The following GPR84 variants were observed in gnomAD, a reference collection of about 807,000 sequenced individuals.
GPR84 encodes the protein G protein-coupled receptor 84.
In GPR84, 8 loss-of-function variants were observed where a neutral mutation model predicts 14.9. That is an observed-to-expected ratio of 0.54 (90% CI 0.31 to 0.97). The LOEUF (loss-of-function observed/expected upper bound fraction) is 0.97, where lower values mean the gene tolerates loss of function less well. Among genes scored for constraint, GPR84 ranks in the 50% least tolerant of loss-of-function variants. The pLI, the probability that GPR84 is intolerant of heterozygous loss-of-function variation, is 0.04. For synonymous variants in GPR84, 164 were observed against 198.1 expected, an observed-to-expected ratio of 0.83 and a Z score of 1.45; for missense variants, 424 against 498.7, an observed-to-expected ratio of 0.85 and a Z score of 1.43.
chr12:54,352,769 A>G, the GPR84 span, among the ~76,000 whole-genome samples: 6 of 152,088 alleles, frequency 3.9e-5, no homozygotes, highest in East Asian at 1.9e-4. Flanking sequence ...CTCAACAACT[A>G]TGGGGCACCT....
chr12:54,359,162 A>T (rs909558093), downstream of GPR84, among the ~76,000 whole-genome samples: 1 of 150,308 alleles, frequency 6.7e-6, no homozygotes, highest in African/African-American at 2.5e-5. Context: ...GGGCATCCTC[A>T]CTCCTCACTC....
At chr12:54,357,011 A>C in the GPR84 span, among the ~76,000 whole-genome samples, 4 of 152,184 alleles carry the variant, frequency 2.6e-5, no homozygotes, top group Non-Finnish European at 5.9e-5. Context: ...CCCCCAGTTG[A>C]AGAGGCAGAT....
At chr12:54,356,113 C>G in the GPR84 span, among the ~76,000 whole-genome samples, 1 of 152,178 alleles carries the variant, frequency 6.6e-6, no homozygotes, top group Admixed American at 6.5e-5. Flanking sequence ...AGGCCTAATA[C>G]TGCAACAGAT....
chr12:54,359,728 A>G (rs1489329673), downstream of GPR84, among the ~76,000 whole-genome samples: 5 of 152,178 alleles, frequency 3.3e-5, no homozygotes, highest in Non-Finnish European at 1.5e-5. Context: ...GACCCAGTGC[A>G]TGGCCTCACT....
At position 54,362,460 on chromosome 12, in the gene GPR84, T is replaced by A. The variant is rs1327458359; in HGVS notation, c.*201A>T. The A allele has an allele frequency of 1.9e-6, 1 of 527,772 alleles. No individual in the cohort carries two copies. Among genetic ancestry groups the A allele is most frequent in the Non-Finnish European group, 3.4e-6 (1 of 293,466 alleles). The allele number at this position is 527,772 out of a possible 1,614,324, so 32.7% of individuals were successfully genotyped here. On this transcript the variant is annotated 3_prime_UTR_variant, in exon 2 of 2. Coordinates refer to ENST00000267015, the MANE Select transcript of GPR84 (RefSeq NM_020370.3). This position sits in a 1 kb window ranked among gnomAD's most constrained non-coding sequence, Gnocchi z 4.0. ...CACCTGAGCATTAAAAGCACAGAATTCATTTATTAATAATTAATAATACTC... is the reference window on the plus strand; with the variant it reads ...CACCTGAGCATTAAAAGCACAGAATACATTTATTAATAATTAATAATACTC...
At chr12:54,352,806 G>A in the GPR84 span, among the ~76,000 whole-genome samples, 6 of 152,342 alleles carry the variant, frequency 3.9e-5, no homozygotes, top group Middle Eastern at 3.4e-3. Flanking sequence ...TCAGCAGGTA[G>A]AAAAGAAAAA....
chr12:54,361,244 C>T (rs980691490), downstream of GPR84, among the ~76,000 whole-genome samples: 5 of 151,922 alleles, frequency 3.3e-5, no homozygotes, highest in South Asian at 2.1e-4. The surrounding 1 kb of genome is among the most constrained non-coding windows in gnomAD (Gnocchi z 4.3). Context: ...TGCAGTGGCG[C>T]GATCTCGGTT....
Position 54,362,718 on chromosome 12 carries a change from G to C in GPR84, c.1134C>G (p.Arg378=). 1 of 1,613,936 alleles carries C rather than the reference G, an allele frequency of 6.2e-7. No homozygotes were observed. Residue 378 remains arginine (R), a synonymous_variant, in exon 2 of 2, where the codon CGC becomes CGG. Transcript: ENST00000267015. The surrounding 1 kb of genome is among the most constrained non-coding windows in gnomAD (Gnocchi z 4.0). ...TTTTTAAAATGGAGCCATATGCTTG[G>C]CGGAATTGGCGGTTCATGGCTGCAT... ...VLYAAMNRQF[R]QAYGSILKRG...
downstream of GPR84, among the ~76,000 whole-genome samples, chr12:54,360,179 C>T (rs1045075441): frequency 6.6e-6 from 1 of 152,124 alleles, no homozygotes; most frequent in African/African-American, 2.4e-5. Flanking sequence ...TGAGACTCTG[C>T]CCTCAAATCA....
chr12:54,363,183 G>A lies in GPR84; in HGVS notation c.669C>T (p.His223=). ...CATCAGTCCTGGCCACATGGTTGGA[G>A]TGGATGCTTGCCTGTCGCAACTTGT... ...DQYKLRQASI[H]SNHVARTDEA... Residue 223 remains histidine, a synonymous_variant, in exon 2 of 2, where the codon CAC becomes CAT. Transcript: ENST00000267015. The A allele has an allele frequency of 6.2e-7, 1 of 1,614,246 alleles. No individual in the cohort carries two copies. Among genetic ancestry groups the A allele is most frequent in the Non-Finnish European group, 8.5e-7 (1 of 1,180,040 alleles).
At chr12:54,358,189 T>C (rs549729306), downstream of GPR84, among the ~76,000 whole-genome samples, 23 of 152,168 alleles carry the variant, frequency 1.5e-4, no homozygotes, top group African/African-American at 5.1e-4. Context: ...CCTGGACTCA[T>C]AAATTTAACT....
chr12:54,354,192 G>A, the GPR84 span, among the ~76,000 whole-genome samples: 2 of 150,128 alleles, frequency 1.3e-5, no homozygotes, highest in African/African-American at 4.9e-5. Context: ...GTAGGTCACT[G>A]CAGTCTCGAC....
chr12:54,359,392 C>A (rs934682666), downstream of GPR84, among the ~76,000 whole-genome samples: 2 of 122,988 alleles, frequency 1.6e-5, no homozygotes, highest in Non-Finnish European at 3.2e-5. Context: ...TGCGAACGAG[C>A]AAGAACAGCC....
At chr12:54,358,319 TG>T (rs1392083635), downstream of GPR84, among the ~76,000 whole-genome samples, 1 of 152,104 alleles carries the variant, frequency 6.6e-6, no homozygotes, top group Non-Finnish European at 1.5e-5. Flanking sequence ...CAGACGCCAA[TG>T]GGTCTTCATA....
At chr12:54,356,330 C>T in the GPR84 span, among the ~76,000 whole-genome samples, 7 of 152,202 alleles carry the variant, frequency 4.6e-5, no homozygotes, top group Non-Finnish European at 8.8e-5. Flanking sequence ...TCCCCAACTC[C>T]CTCCTGAGAG....
chr12:54,361,685 T>G (rs769268191), downstream of GPR84, among the ~76,000 whole-genome samples: 6 of 152,150 alleles, frequency 3.9e-5, no homozygotes, highest in Non-Finnish European at 5.9e-5. The surrounding 1 kb of genome is among the most constrained non-coding windows in gnomAD (Gnocchi z 4.3). Context: ...ATTTTTGTAT[T>G]TTAGTAGAGA....
chr12:54,361,992 G>A (rs893665617), downstream of GPR84, among the ~76,000 whole-genome samples: 4 of 152,238 alleles, frequency 2.6e-5, no homozygotes, highest in African/African-American at 7.2e-5. The surrounding 1 kb of genome is among the most constrained non-coding windows in gnomAD (Gnocchi z 4.3). Flanking sequence ...CATTCCCTTC[G>A]CACAGAGTGA....
At chr12:54,357,143 A>C in the GPR84 span, among the ~76,000 whole-genome samples, 1 of 152,090 alleles carries the variant, frequency 6.6e-6, no homozygotes, top group African/African-American at 2.4e-5. Context: ...CTTGCTGCCC[A>C]TCCGTCTTCT....
chr12:54,351,789 G>A, the GPR84 span: 1 of 152,194 alleles, frequency 6.6e-6, no homozygotes, highest in African/African-American at 2.4e-5. Flanking sequence ...ATGGAGTCAG[G>A]AGAAAACCAC....
Sources: gnomAD v4.1 joint callset for allele counts (sites outside exome capture counted in the v4.1 genomes callset) on GRCh38, gnomAD v4.1.1 for gene constraint, Gnocchi (gnomAD v3.1) non-coding constraint, MANE v1.5 for transcripts, NCBI Gene and HGNC (gene_info 2026-07-23, HGNC 2026-07-21) for gene names.